Variants in HIVEP2 observed in about 807,000 individuals in gnomAD.
HIVEP2 encodes the protein transcription factor HIVEP2.
HIVEP2 carries 14 observed loss-of-function variants against 180.7 expected under a neutral mutation model. The ratio of observed to expected loss-of-function variants is 0.08; its 90% confidence interval spans 0.05 to 0.12. The LOEUF (loss-of-function observed/expected upper bound fraction) is 0.12. Ranked by LOEUF, HIVEP2 falls within the 10% of genes least tolerant of loss-of-function variation. The pLI is 1.00. For missense variants in HIVEP2, 2,579 were observed against 3,008.5 expected (o/e 0.86, Z 3.34); for synonymous variants, 1,184 against 1,136.4 (o/e 1.04, Z -0.84).
At chr6:142,889,838 C>T (rs1210053272) in intron 1 of HIVEP2, among the ~76,000 whole-genome samples, 1 of 152,234 alleles carries the variant, frequency 6.6e-6, no homozygotes, top group Non-Finnish European at 1.5e-5. Context: ...TCTATACTGT[C>T]TAACACTGTA....
chr6:142,850,587 C>A (rs1775622580), intron 1 of HIVEP2, among the ~76,000 whole-genome samples: 1 of 152,208 alleles, frequency 6.6e-6, no homozygotes, highest in Non-Finnish European at 1.5e-5. Flanking sequence ...ACAACTTCCA[C>A]TGAAAAATAT....
intron 1 of HIVEP2, among the ~76,000 whole-genome samples, chr6:142,887,664 A>G (rs1010334105): frequency 1.3e-5 from 2 of 152,174 alleles, no homozygotes; most frequent in African/African-American, 4.8e-5. Context: ...CAACAGAACA[A>G]TTGTTTTTTG....
intron 2 of HIVEP2, among the ~76,000 whole-genome samples, chr6:142,816,420 G>A (rs9386009): frequency 0.55 from 84,164 of 151,840 alleles, 25,506 homozygotes; most frequent in Non-Finnish European, 0.68. Flanking sequence ...TCATGGTCAC[G>A]AGCTCTGTTA....
chr6:142,759,633 C>T, intron 9 of HIVEP2, 139 bp downstream of exon 9: 1 of 692,818 alleles, frequency 1.4e-6, no homozygotes, highest in Non-Finnish European at 2.5e-6. Context: ...ACAAAAATGT[C>T]TCCCCGCTAT....
At chr6:142,776,510 A>G (rs1775703321) in intron 3 of HIVEP2, among the ~76,000 whole-genome samples, 1 of 149,670 alleles carries the variant, frequency 6.7e-6, no homozygotes, top group Non-Finnish European at 1.5e-5. Flanking sequence ...CCTAGATATT[A>G]AAAGTTGAGA....
rs771793034 is a variant in HIVEP2 at position 142,773,428 on chromosome 6, T to G, written c.1311A>C (p.Ala437=). Residue 437 remains alanine (A), a synonymous_variant, in exon 5 of 10, where the codon GCA becomes GCC. Transcript: ENST00000367603. ...CCTGACTTGTGGTTGTAACACTGAGTGCATTTCTCGGACTAAGCCGACAGT... is the reference window on the plus strand; with the variant it reads ...CCTGACTTGTGGTTGTAACACTGAGGGCATTTCTCGGACTAAGCCGACAGT... ...GKYCRLSPRN[A]LSVTTTSQER... 1.9e-6 allele frequency: 3 copies of G among 1,614,166 alleles called. No homozygotes were observed. The South Asian group carries it at 3.3e-5, about 18-fold the overall frequency.
intron 1 of HIVEP2, among the ~76,000 whole-genome samples, chr6:142,881,177 C>A (rs1294364719): frequency 6.6e-6 from 1 of 152,142 alleles, no homozygotes; most frequent in South Asian, 2.1e-4. Context: ...GAATACCTCT[C>A]CACTCATATA....
chr6:142,943,118 A>G lies in HIVEP2; in HGVS notation c.-641+1981T>C, dbSNP rs1394121740. On this transcript the variant is annotated intron_variant, in intron 1 of 9. Transcript: ENST00000367603. The surrounding 1 kb of genome is among the most constrained non-coding windows in gnomAD (Gnocchi z 4.5). ...ATGACTCCTTAGGGTTCCACAGGGA[A>G]TTTTCTCTTAATAATGAAAATGATA... Among the ~76,000 whole-genome samples the G allele has an allele frequency of 6.6e-6, 1 of 152,162 alleles. No homozygotes were observed. Among genetic ancestry groups the G allele is most frequent in the Non-Finnish European group, 1.5e-5 (1 of 68,030 alleles).
intron 1 of HIVEP2, among the ~76,000 whole-genome samples, chr6:142,908,122 CT>C (rs1381923402): frequency 6.6e-6 from 1 of 152,178 alleles, no homozygotes; most frequent in African/African-American, 2.4e-5. Context: ...ACTTATGATT[CT>C]CAGATCCTAA....
chr6:142,826,245 A>T (rs1395312546), intron 2 of HIVEP2, among the ~76,000 whole-genome samples: 2 of 152,228 alleles, frequency 1.3e-5, no homozygotes, highest in Non-Finnish European at 2.9e-5. Flanking sequence ...TAAGAATAAA[A>T]ACTTACATCA....
At chr6:142,763,370 T>C (rs1189112870) in intron 7 of HIVEP2, among the ~76,000 whole-genome samples, 2 of 152,274 alleles carry the variant, frequency 1.3e-5, no homozygotes, top group Admixed American at 6.5e-5. Flanking sequence ...ACAACAGGCA[T>C]TTCAGTCGGA....
intron 1 of HIVEP2, among the ~76,000 whole-genome samples, chr6:142,885,959 A>T (rs1441754300): frequency 6.6e-6 from 1 of 152,220 alleles, no homozygotes; most frequent in Non-Finnish European, 1.5e-5. Context: ...ATACAGCCTT[A>T]CTTGCTTTCC....
At chr6:142,791,021 C>A (rs1302169217) in intron 2 of HIVEP2, among the ~76,000 whole-genome samples, 1 of 152,064 alleles carries the variant, frequency 6.6e-6, no homozygotes, top group Non-Finnish European at 1.5e-5. Context: ...TCAGACAGAC[C>A]CTATCTACTT....
chr6:142,924,646 CAA>C (rs1777762409), intron 1 of HIVEP2, among the ~76,000 whole-genome samples: 4 of 152,240 alleles, frequency 2.6e-5, no homozygotes, highest in Admixed American at 6.5e-5. Context: ...TTCTGCAGTA[CAA>C]AAGGTGGAAT....
intron 5 of HIVEP2, 90 bp downstream of exon 5, chr6:142,769,460 ATT>A: frequency 4.0e-6 from 4 of 995,636 alleles, no homozygotes; most frequent in Non-Finnish European, 4.3e-6. Flanking sequence ...TTTTACTTGT[ATT>A]TTTTTTTTAG....
chr6:142,909,320 C>T (rs1313244433), intron 1 of HIVEP2, among the ~76,000 whole-genome samples: 1 of 152,068 alleles, frequency 6.6e-6, no homozygotes, highest in Admixed American at 6.5e-5. Context: ...TTTTTCAAGA[C>T]CTTAAAAGAT....
chr6:142,844,084 C>T (rs1460059639), intron 1 of HIVEP2, among the ~76,000 whole-genome samples: 1 of 152,182 alleles, frequency 6.6e-6, no homozygotes, highest in East Asian at 1.9e-4. Context: ...CCATTCTTCT[C>T]TTTCCTCCCA....
At chr6:142,812,125 G>A (rs1051132809) in intron 2 of HIVEP2, among the ~76,000 whole-genome samples, 2 of 152,326 alleles carry the variant, frequency 1.3e-5, no homozygotes, top group East Asian at 1.9e-4. Flanking sequence ...GAAGTCCAGG[G>A]AGCCGAAGAT....
intron 1 of HIVEP2, among the ~76,000 whole-genome samples, chr6:142,931,655 T>C (rs751120595): frequency 3.9e-5 from 6 of 152,206 alleles, no homozygotes; most frequent in Non-Finnish European, 8.8e-5. Context: ...ACATGTCTTC[T>C]ATGCAAAATA....
Sources: gnomAD v4.1 joint callset for allele counts (sites outside exome capture counted in the v4.1 genomes callset) on GRCh38, gnomAD v4.1.1 for gene constraint, Gnocchi (gnomAD v3.1) non-coding constraint, MANE v1.5 for transcripts, NCBI Gene and HGNC (gene_info 2026-07-23, HGNC 2026-07-21) for gene names.